GGACT: variants seen among roughly 807,000 people sequenced by gnomAD.
The protein encoded by GGACT is gamma-glutamylaminecyclotransferase.
For synonymous variants in GGACT, 118 were observed against 115.3 expected (o/e 1.02, Z -0.15); for missense variants, 241 against 233.2 (o/e 1.03, Z -0.22).
At chr13:100,577,422 T>TAAATAAATAAAA (rs1875280975) in intron 2 of GGACT, among the ~76,000 whole-genome samples, 1 of 137,988 alleles carries the variant, frequency 7.2e-6, no homozygotes, top group Non-Finnish European at 1.5e-5. Context: ...ATCTCAAAAA[T>TAAATAAATAAAA]AAATAAATAA....
At chr13:100,582,371 C>G (rs1875446633) in intron 2 of GGACT, among the ~76,000 whole-genome samples, 1 of 152,208 alleles carries the variant, frequency 6.6e-6, no homozygotes, top group Admixed American at 6.5e-5. Flanking sequence ...TCTTTTGTCT[C>G]CTCAAATCTG....
intron 2 of GGACT, chr13:100,533,432 T>A (rs2088445975): frequency 6.6e-6 from 1 of 152,294 alleles, no homozygotes; most frequent in Admixed American, 6.5e-5. Flanking sequence ...CCTGCCCTGC[T>A]ACCTGAGCCC....
intron 2 of GGACT, among the ~76,000 whole-genome samples, chr13:100,579,463 C>A (rs909514076): frequency 2.0e-5 from 3 of 152,080 alleles, no homozygotes; most frequent in African/African-American, 7.2e-5. Flanking sequence ...GGAACCAGAA[C>A]CCCTTTCCCC....
chr13:100,580,979 G>A (rs916621753), intron 2 of GGACT, among the ~76,000 whole-genome samples: 3 of 152,170 alleles, frequency 2.0e-5, no homozygotes, highest in Non-Finnish European at 2.9e-5. Flanking sequence ...CACAGGCAAT[G>A]GGAGCCACGT....
chr13:100,566,222 A>G (rs568105576), intron 2 of GGACT, among the ~76,000 whole-genome samples: 1 of 152,320 alleles, frequency 6.6e-6, no homozygotes, highest in African/African-American at 2.4e-5. Context: ...ACTGTGGGAT[A>G]ATTTTTGTTG....
At chr13:100,536,630 G>A (rs2088496564) in intron 2 of GGACT, 1 of 151,388 alleles carries the variant, frequency 6.6e-6, no homozygotes, top group Admixed American at 6.6e-5. Context: ...TTTGGTATCT[G>A]TGTTTCAAGA....
intron 2 of GGACT, among the ~76,000 whole-genome samples, chr13:100,563,594 T>A (rs903602302): frequency 2.0e-5 from 3 of 152,160 alleles, no homozygotes; most frequent in Admixed American, 6.5e-5. Context: ...GGTAGGAGGA[T>A]CACTTGAGCC....
chr13:100,546,361 C>CAAAAAAAAAAAAAAAAAA (rs778470021), intron 2 of GGACT, among the ~76,000 whole-genome samples: 3 of 54,624 alleles, frequency 5.5e-5, no homozygotes, highest in East Asian at 5.8e-4. Flanking sequence ...GACTCTGTCT[C>CAAAAAAAAAAAAAAAAAA]AAAAAAAAAA....
At chr13:100,583,617 A>G (rs1272882837) in intron 2 of GGACT, among the ~76,000 whole-genome samples, 2 of 152,070 alleles carry the variant, frequency 1.3e-5, no homozygotes, top group East Asian at 1.9e-4. Flanking sequence ...TGCAGCCTCA[A>G]TCTCCTGGGA....
rs757853458 is a variant in GGACT at position 100,532,289 on chromosome 13, C to T, written c.303G>A (p.Arg101=). 6.5e-6 allele frequency: 10 copies of T among 1,540,064 alleles called. No homozygotes were observed. Among genetic ancestry groups the T allele is most frequent in the Non-Finnish European group, 8.8e-7 (1 of 1,138,580 alleles). The change falls in exon 3 of 3, where the codon CGG becomes CGA. Residue 101 remains arginine (R), a synonymous_variant. Transcript: ENST00000683975. ...CTGGCGGCTCCTCTGCGCCCGGGGC[C>T]CGGTCCTCCAGCAGCTGTACCCGCA... ...TVLRVQLLED[R]APGAEEPPAP...
At chr13:100,588,605 G>C (rs1309596296) in intron 1 of GGACT, 136 bp downstream of exon 1, 3 of 151,800 alleles carry the variant, frequency 2.0e-5, no homozygotes, top group Admixed American at 6.6e-5. Context: ...CTCACCCGCG[G>C]GGACGCCGAG....
chr13:100,531,945 A>AGG lies in GGACT; in HGVS notation c.*183_*184dup, dbSNP rs1188558077. ...TTTTCTTACCAGGTAGAAAGATGGG[A>AGG]GGGAAGCACCTTGCTATTCGTATCT... On this transcript the variant is annotated 3_prime_UTR_variant, in exon 3 of 3. Coordinates refer to ENST00000683975, the MANE Select transcript of GGACT (RefSeq NM_001195087.2). 1 of 432,268 alleles carries AGG rather than the reference A, an allele frequency of 2.3e-6. No individual in the cohort carries two copies. Among genetic ancestry groups the AGG allele is most frequent in the South Asian group, 1.1e-4 (1 of 9,352 alleles). 26.8% of individuals were successfully genotyped at this position (432,268 alleles called of 1,614,324 possible). A position where few individuals can be genotyped will look rare whatever the true frequency, so the allele number is the denominator to read the frequency against.
At chr13:100,550,533 G>C (rs837310) in intron 2 of GGACT, among the ~76,000 whole-genome samples, 93,148 of 150,658 alleles carry the variant, frequency 0.62, 29,792 homozygotes, top group East Asian at 0.85. Context: ...ACACGCCAGT[G>C]TTTGGGTTTA....
intron 2 of GGACT, among the ~76,000 whole-genome samples, chr13:100,565,379 T>A (rs978362481): frequency 1.3e-5 from 2 of 152,170 alleles, no homozygotes; most frequent in African/African-American, 4.8e-5. Flanking sequence ...CATTTGCACA[T>A]CTGACTCCTG....
rs2088305724 is a variant in GGACT at position 100,530,235 on chromosome 13, G to C, written c.*1895C>G. 3 of 1,234,502 alleles carry C rather than the reference G, an allele frequency of 2.4e-6. No homozygotes were observed. The highest frequency in any genetic ancestry group is 1.2e-6 in the Non-Finnish European group (1 of 837,038). The allele number at this position is 1,234,502 out of a possible 1,614,324, so 76.5% of individuals were successfully genotyped here. ...TTGCATGATGCTTTCACACACAATT[G>C]ATTCAAGCATTATACAGGAACACCC... On this transcript the variant is annotated 3_prime_UTR_variant, in exon 3 of 3. Transcript: ENST00000683975.
chr13:100,547,471 G>A (rs1297196407), intron 2 of GGACT, among the ~76,000 whole-genome samples: 1 of 152,202 alleles, frequency 6.6e-6, no homozygotes, highest in African/African-American at 2.4e-5. Flanking sequence ...CCTCAAAAAA[G>A]GTAATCTAAA....
intron 2 of GGACT, among the ~76,000 whole-genome samples, chr13:100,562,239 C>T (rs987495105): frequency 2.0e-5 from 3 of 152,136 alleles, no homozygotes; most frequent in Non-Finnish European, 4.4e-5. Context: ...AGAAACTACC[C>T]TAGATATTCT....
At chr13:100,546,235 G>A (rs530557804) in intron 2 of GGACT, among the ~76,000 whole-genome samples, 5 of 151,802 alleles carry the variant, frequency 3.3e-5, no homozygotes, top group South Asian at 2.1e-4. Flanking sequence ...GGTGGCGGGC[G>A]CCTATAGTCC....
chr13:100,567,230 A>T (rs867660960), intron 2 of GGACT, among the ~76,000 whole-genome samples: 5 of 152,184 alleles, frequency 3.3e-5, no homozygotes, highest in Non-Finnish European at 4.4e-5. Flanking sequence ...TAAGCATTTT[A>T]TGAAGAGGGA....
Sources: gnomAD v4.1 joint callset for allele counts (sites outside exome capture counted in the v4.1 genomes callset) on GRCh38, gnomAD v4.1.1 for gene constraint, MANE v1.5 for transcripts, NCBI Gene and HGNC (gene_info 2026-07-23, HGNC 2026-07-21) for gene names.